The following RBFOX1 variants were observed in gnomAD, a reference collection of about 807,000 sequenced individuals.
RBFOX1 encodes RNA binding protein fox-1 homolog 1.
A neutral mutation model predicts 57.7 loss-of-function variants in RBFOX1; 8 were observed. That is an observed-to-expected ratio of 0.14 (90% confidence interval 0.08 to 0.25). The LOEUF (loss-of-function observed/expected upper bound fraction) is 0.25. Ranked by LOEUF, RBFOX1 falls within the 10% of genes least tolerant of loss-of-function variation. RBFOX1 has a pLI of 1.00. For synonymous variants in RBFOX1, 326 were observed against 222.4 expected, an observed-to-expected ratio of 1.47 and a Z score of -4.15; for missense variants, 611 against 548.5, an observed-to-expected ratio of 1.11 and a Z score of -1.14.
chr16:5,562,631 G>A lies in RBFOX1; in HGVS notation c.259-36271G>A, dbSNP rs544979851. On this transcript the variant is annotated intron_variant, in intron 2 of 2. Coordinates refer to the RBFOX1 transcript ENST00000585867. ...GGGTTCCTCCAACTTGTAAGTGCTA[G>A]GGAGTCTTCCTTAAGGTTCTGAGTG... Among the ~76,000 whole-genome samples, 24 of 152,206 alleles carry A rather than the reference G, an allele frequency of 1.6e-4. No homozygotes were observed. The East Asian group carries it at 4.7e-3, about 30-fold the overall frequency.
chr16:7,157,880 G>A (rs1428834534), intron 4 of RBFOX1, among the ~76,000 whole-genome samples: 1 of 152,148 alleles, frequency 6.6e-6, no homozygotes, highest in Non-Finnish European at 1.5e-5. Flanking sequence ...CAGCTTCTCT[G>A]TTCACTTTGA....
At chr16:7,262,068 T>A (rs1012207260) in intron 4 of RBFOX1, among the ~76,000 whole-genome samples, 11 of 152,352 alleles carry the variant, frequency 7.2e-5, no homozygotes, top group African/African-American at 2.6e-4. Context: ...TTTTGGAGGT[T>A]TCACTATGTT....
intron 3 of RBFOX1, among the ~76,000 whole-genome samples, chr16:5,857,094 G>C (rs1317835344): frequency 6.6e-6 from 1 of 152,004 alleles, no homozygotes; most frequent in African/African-American, 2.4e-5. Context: ...TCTTTCACTT[G>C]AACACTTAAA....
chr16:6,566,606 T>C (rs1175715561), intron 2 of RBFOX1, among the ~76,000 whole-genome samples: 1 of 152,200 alleles, frequency 6.6e-6, no homozygotes, highest in Non-Finnish European at 1.5e-5. Flanking sequence ...TTTCTTATTA[T>C]CTTTAGAAGG....
At chr16:7,469,455 C>T (rs1031471192) in intron 4 of RBFOX1, among the ~76,000 whole-genome samples, 5 of 152,172 alleles carry the variant, frequency 3.3e-5, no homozygotes, top group African/African-American at 1.2e-4. Flanking sequence ...TTGCAATGAC[C>T]TTACAATGGC....
intron 2 of RBFOX1, among the ~76,000 whole-genome samples, chr16:5,529,586 G>C (rs1405902735): frequency 1.4e-5 from 2 of 146,650 alleles, no homozygotes; most frequent in Non-Finnish European, 3.0e-5. Context: ...TTTTTTTTGA[G>C]ATGGAGTTTT....
chr16:5,500,120 C>A (rs1334504826), intron 2 of RBFOX1, among the ~76,000 whole-genome samples: 3 of 98,770 alleles, frequency 3.0e-5, no homozygotes, highest in Admixed American at 2.7e-4. Context: ...TCCCTTCCCT[C>A]CTTCCCTCCT....
chr16:6,187,146 T>A (rs1170809878), intron 1 of RBFOX1, among the ~76,000 whole-genome samples: 1 of 152,140 alleles, frequency 6.6e-6, no homozygotes. Flanking sequence ...AAAGTTATTG[T>A]CATGCTTGGC....
At chr16:6,378,583 A>G (rs2091462664) in intron 2 of RBFOX1, among the ~76,000 whole-genome samples, 1 of 152,032 alleles carries the variant, frequency 6.6e-6, no homozygotes, top group Admixed American at 6.5e-5. Context: ...CCCATTTCTA[A>G]ATAAGATATG....
chr16:6,342,613 A>G (rs2084734720), intron 2 of RBFOX1, among the ~76,000 whole-genome samples: 1 of 152,166 alleles, frequency 6.6e-6, no homozygotes, highest in African/African-American at 2.4e-5. Context: ...GTGGATGTCT[A>G]TTAGAGAGTT....
intron 4 of RBFOX1, among the ~76,000 whole-genome samples, chr16:5,906,636 A>C (rs1002544714): frequency 6.6e-6 from 1 of 150,984 alleles, no homozygotes; most frequent in Non-Finnish European, 1.5e-5. Flanking sequence ...GGGAGTCGGG[A>C]CATGTGTACT....
chr16:6,171,181 C>G (rs75060978), intron 1 of RBFOX1, among the ~76,000 whole-genome samples: 2,926 of 152,222 alleles, frequency 0.019, 48 homozygotes, highest in South Asian at 0.038. Flanking sequence ...TCCCTCTCTC[C>G]TTCTTTGTCT....
chr16:7,113,892 T>C (rs549280945), intron 4 of RBFOX1, among the ~76,000 whole-genome samples: 29 of 152,172 alleles, frequency 1.9e-4, no homozygotes, highest in Non-Finnish European at 3.2e-4. Flanking sequence ...TGCATCTCAG[T>C]GTGTGCATGG....
At chr16:6,074,087 T>C (rs140333939) in intron 1 of RBFOX1, among the ~76,000 whole-genome samples, 3,426 of 152,210 alleles carry the variant, frequency 0.023, 93 homozygotes, top group South Asian at 0.12. Context: ...TAGCTGGGAC[T>C]ATAGGCGCCC....
At chr16:6,848,536 G>T (rs1197475368) in intron 3 of RBFOX1, among the ~76,000 whole-genome samples, 1 of 151,672 alleles carries the variant, frequency 6.6e-6, no homozygotes, top group Non-Finnish European at 1.5e-5. Flanking sequence ...TAGCTAGATG[G>T]ATATATAGAA....
At chr16:6,504,803 C>T (rs547649640) in intron 2 of RBFOX1, among the ~76,000 whole-genome samples, 29 of 152,232 alleles carry the variant, frequency 1.9e-4, no homozygotes, top group South Asian at 6.2e-4. Context: ...CGCCTGTAAT[C>T]CCAGCACTTT....
At chr16:7,674,159 CAGA>C (rs1410262446) in intron 13 of RBFOX1, among the ~76,000 whole-genome samples, 1 of 152,044 alleles carries the variant, frequency 6.6e-6, no homozygotes, top group Non-Finnish European at 1.5e-5. Flanking sequence ...GAATTGCATA[CAGA>C]AGAAAAATAG....
chr16:7,513,277 TAAAAATAATGAATG>T (rs1416494238), intron 4 of RBFOX1, among the ~76,000 whole-genome samples: 3 of 17,626 alleles, frequency 1.7e-4, no homozygotes, highest in Non-Finnish European at 5.2e-4. Flanking sequence ...AAAATAAAAA[TAAAAATAATGAATG>T]AATGAATGAA....
chr16:5,440,857 T>C (rs751235890), intron 1 of RBFOX1, among the ~76,000 whole-genome samples: 8 of 152,192 alleles, frequency 5.3e-5, no homozygotes, highest in Non-Finnish European at 8.8e-5. Context: ...ACTCACTAGT[T>C]TACTATTTGA....
Sources: gnomAD v4.1 joint callset for allele counts (sites outside exome capture counted in the v4.1 genomes callset) on GRCh38, gnomAD v4.1.1 for gene constraint, MANE v1.5 for transcripts, NCBI Gene and HGNC (gene_info 2026-07-23, HGNC 2026-07-21) for gene names.